The following ZNG1E variants were observed in gnomAD, a reference collection of about 807,000 sequenced individuals.
The protein encoded by ZNG1E is Zn regulated GTPase metalloprotein activator 1E.
the ZNG1E span, among the ~76,000 whole-genome samples, chr9:65,683,952 G>C: frequency 2.0e-4 from 31 of 152,264 alleles, no homozygotes; most frequent in Non-Finnish European, 4.3e-4. Context: ...GCAAATATCA[G>C]TTTATTTCAT....
the ZNG1E span, among the ~76,000 whole-genome samples, chr9:65,678,740 A>T: frequency 1.2e-5 from 1 of 84,786 alleles, no homozygotes; most frequent in Non-Finnish European, 2.4e-5. Context: ...TCTTAACTGA[A>T]CATTCTGTTC....
chr9:65,659,258 G>A, the ZNG1E span, among the ~76,000 whole-genome samples: 1 of 151,594 alleles, frequency 6.6e-6, no homozygotes, highest in Non-Finnish European at 1.5e-5. Flanking sequence ...AGAACTTTAG[G>A]AGGCGAGGAG....
chr9:65,709,981 G>C, the ZNG1E span, among the ~76,000 whole-genome samples: 18 of 150,150 alleles, frequency 1.2e-4, no homozygotes, highest in African/African-American at 4.3e-4. Flanking sequence ...CAGTGTAAAA[G>C]TGTTCCTATT....
chr9:65,657,657 A>G, the ZNG1E span, among the ~76,000 whole-genome samples: 2 of 152,240 alleles, frequency 1.3e-5, no homozygotes, highest in South Asian at 4.1e-4. Flanking sequence ...TGCTAGCACA[A>G]CAGGGTGACT....
At chr9:65,700,731 T>C in the ZNG1E span, 1 of 115,722 alleles carries the variant, frequency 8.6e-6, no homozygotes, top group Non-Finnish European at 1.8e-5. Context: ...ATCCCTGAGT[T>C]CTTTCTTGTT....
the ZNG1E span, among the ~76,000 whole-genome samples, chr9:65,660,592 C>G: frequency 6.6e-6 from 1 of 151,982 alleles, no homozygotes; most frequent in African/African-American, 2.4e-5. Context: ...GTGAGCTTTA[C>G]TTTACTAAGG....
chr9:65,696,159 C>A, the ZNG1E span, among the ~76,000 whole-genome samples: 1 of 133,024 alleles, frequency 7.5e-6, no homozygotes, highest in Non-Finnish European at 1.6e-5. Context: ...AAATGCAGGG[C>A]TGATGTCTAA....
At chr9:65,672,473 C>T in the ZNG1E span, among the ~76,000 whole-genome samples, 2 of 149,678 alleles carry the variant, frequency 1.3e-5, no homozygotes, top group Non-Finnish European at 1.5e-5. Context: ...AAGCCCGGCA[C>T]AGTGGCTCAC....
chr9:65,687,964 T>G, the ZNG1E span, among the ~76,000 whole-genome samples: 1 of 151,212 alleles, frequency 6.6e-6, no homozygotes, highest in Non-Finnish European at 1.5e-5. Flanking sequence ...TGAATACTTT[T>G]TTTTTGGTCA....
chr9:65,662,184 T>C, the ZNG1E span, among the ~76,000 whole-genome samples: 1 of 152,210 alleles, frequency 6.6e-6, no homozygotes, highest in Non-Finnish European at 1.5e-5. Context: ...AACCTGAATT[T>C]AACCATGCTG....
chr9:65,703,778 T>C, the ZNG1E span: 25 of 971,190 alleles, frequency 2.6e-5, no homozygotes, highest in Non-Finnish European at 3.0e-5. Flanking sequence ...ATGGCAGAGA[T>C]TAGAGGTGCT....
At chr9:65,663,477 A>G in the ZNG1E span, among the ~76,000 whole-genome samples, 722 of 147,668 alleles carry the variant, frequency 4.9e-3, no homozygotes, top group East Asian at 0.014. Flanking sequence ...CTTAGAGGCT[A>G]TTCAAAATAA....
chr9:65,698,953 G>T, the ZNG1E span, among the ~76,000 whole-genome samples: 3 of 144,512 alleles, frequency 2.1e-5, no homozygotes, highest in Admixed American at 6.9e-5. Flanking sequence ...AGGCTGAAGT[G>T]CAGGCTCACT....
chr9:65,687,815 A>G, the ZNG1E span, among the ~76,000 whole-genome samples: 2 of 150,488 alleles, frequency 1.3e-5, no homozygotes, highest in African/African-American at 4.8e-5. Flanking sequence ...TTTAATCTAA[A>G]ATGCCTGAGA....
chr9:65,714,498 C>T, the ZNG1E span, among the ~76,000 whole-genome samples: 1 of 151,342 alleles, frequency 6.6e-6, no homozygotes, highest in Admixed American at 6.6e-5. Context: ...TCTGTTTTTT[C>T]CCCATCTTTG....
chr9:65,672,340 T>A, the ZNG1E span, among the ~76,000 whole-genome samples: 15 of 152,246 alleles, frequency 9.9e-5, no homozygotes, highest in African/African-American at 3.1e-4. Flanking sequence ...ATTTTTAAGT[T>A]ACATCAGAAA....
the ZNG1E span, among the ~76,000 whole-genome samples, chr9:65,721,627 G>T: frequency 6.7e-6 from 1 of 149,872 alleles, no homozygotes; most frequent in Non-Finnish European, 1.5e-5. Flanking sequence ...TATTTTAATA[G>T]GAAATTTCAA....
At chr9:65,695,958 C>G in the ZNG1E span, among the ~76,000 whole-genome samples, 1 of 151,582 alleles carries the variant, frequency 6.6e-6, no homozygotes, top group Non-Finnish European at 1.5e-5. Context: ...AAATTTTTTT[C>G]TTCATTTACT....
At chr9:65,657,907 CCTGA>C in the ZNG1E span, among the ~76,000 whole-genome samples, 138 of 152,188 alleles carry the variant, frequency 9.1e-4, no homozygotes, top group African/African-American at 3.0e-3. Flanking sequence ...TTGAGACCAG[CCTGA>C]CTAACATGGA....
Sources: gnomAD v4.1 joint callset for allele counts (sites outside exome capture counted in the v4.1 genomes callset) on GRCh38, gnomAD v4.1.1 for gene constraint, MANE v1.5 for transcripts, NCBI Gene and HGNC (gene_info 2026-07-23, HGNC 2026-07-21) for gene names.